Variants in CPS1 observed in about 807,000 individuals in gnomAD.
CPS1 encodes carbamoyl-phosphate synthase [ammonia], mitochondrial.
In CPS1, 109 loss-of-function variants were observed where a neutral mutation model predicts 174.6. The observed-to-expected ratio is 0.62, with a 90% CI of 0.53 to 0.73. The LOEUF (loss-of-function observed/expected upper bound fraction) is 0.73, where lower values mean the gene tolerates loss of function less well. Ranked by LOEUF, CPS1 falls within the 30% of genes least tolerant of loss-of-function variation. CPS1 has a pLI of 0.00. For missense variants in CPS1, 1,689 were observed against 1,821.9 expected, an observed-to-expected ratio of 0.93 and a Z score of 1.33; for synonymous variants, 637 against 632.0, an observed-to-expected ratio of 1.01 and a Z score of -0.12.
intron 1 of CPS1, among the ~76,000 whole-genome samples, chr2:210,500,365 C>G (rs1695108257): frequency 6.6e-6 from 1 of 152,100 alleles, no homozygotes; most frequent in South Asian, 2.1e-4. Flanking sequence ...CAGCATTAAC[C>G]CAAAAGTCAA....
intron 1 of CPS1, among the ~76,000 whole-genome samples, chr2:210,480,175 G>A (rs1410626745): frequency 1.3e-5 from 2 of 152,106 alleles, no homozygotes; most frequent in Non-Finnish European, 2.9e-5. Flanking sequence ...CTCTCATCAA[G>A]TCCATGCTGG....
intron 13 of CPS1, among the ~76,000 whole-genome samples, chr2:210,596,207 A>G (rs1698476545): frequency 6.6e-6 from 1 of 151,948 alleles, no homozygotes. Flanking sequence ...ATCTCCCAAC[A>G]CTTACTGTAG....
intron 28 of CPS1, among the ~76,000 whole-genome samples, chr2:210,652,441 C>G (rs953098492): frequency 6.6e-6 from 1 of 151,854 alleles, no homozygotes; most frequent in Non-Finnish European, 1.5e-5. Context: ...GACAGTGCCT[C>G]GGATTAGAGT....
chr2:210,541,631 A>G (rs1243893558), intron 1 of CPS1, among the ~76,000 whole-genome samples: 2 of 152,162 alleles, frequency 1.3e-5, no homozygotes, highest in Non-Finnish European at 2.9e-5. Context: ...TAGTACTATT[A>G]AGCCCTAAAA....
At chr2:210,562,852 C>T (rs10932343) in intron 1 of CPS1, among the ~76,000 whole-genome samples, 65,335 of 150,350 alleles carry the variant, frequency 0.43, 14,465 homozygotes, top group Middle Eastern at 0.54. Context: ...AAGGGAATTA[C>T]TGACTTTTAA....
chr2:210,600,427 C>A, intron 14 of CPS1, 128 bp from the exon 15 acceptor site: 1 of 842,252 alleles, frequency 1.2e-6, no homozygotes, highest in Non-Finnish European at 1.9e-6. Flanking sequence ...TCCCTAAGTG[C>A]AATTCTATTG....
At chr2:210,637,663 TG>T in intron 21 of CPS1, 38 bp from the exon 22 acceptor site, 1 of 1,611,324 alleles carries the variant, frequency 6.2e-7, no homozygotes, top group Non-Finnish European at 8.5e-7. Context: ...TTATTGTTTT[TG>T]GTCTAAACTT....
At chr2:210,626,642 ATC>A (rs1699707881) in intron 21 of CPS1, among the ~76,000 whole-genome samples, 1 of 152,146 alleles carries the variant, frequency 6.6e-6, no homozygotes, top group Admixed American at 6.5e-5. Flanking sequence ...ATATCGTGAA[ATC>A]TCTAACTCCT....
chr2:210,657,921 ATGTG>A (rs1700772872), intron 30 of CPS1, among the ~76,000 whole-genome samples: 1 of 152,244 alleles, frequency 6.6e-6, no homozygotes, highest in South Asian at 2.1e-4. Context: ...TCAGAGCTCA[ATGTG>A]TCATAGACTC....
chr2:210,601,940 G>C (rs1490647378), intron 15 of CPS1, among the ~76,000 whole-genome samples: 2 of 151,764 alleles, frequency 1.3e-5, no homozygotes, highest in East Asian at 3.9e-4. Flanking sequence ...CCATGGTTCT[G>C]TTTCAATAGG....
chr2:210,584,637 C>T (rs374720776), intron 6 of CPS1, among the ~76,000 whole-genome samples: 2 of 152,102 alleles, frequency 1.3e-5, no homozygotes, highest in African/African-American at 4.8e-5. Context: ...CATAAAAACT[C>T]CATGTCATAG....
At chr2:210,658,850 T>A (rs894726505) in intron 31 of CPS1, among the ~76,000 whole-genome samples, 162 bp downstream of exon 31, 1 of 152,222 alleles carries the variant, frequency 6.6e-6, no homozygotes, top group African/African-American at 2.4e-5. Flanking sequence ...ATATAATGTC[T>A]ACCTTATTTG....
At chr2:210,676,695 T>C (rs1459614366) in intron 36 of CPS1, among the ~76,000 whole-genome samples, 1 of 152,172 alleles carries the variant, frequency 6.6e-6, no homozygotes, top group East Asian at 1.9e-4. Flanking sequence ...CATTCAATGG[T>C]GGAGGGATCA....
At position 210,633,564 on chromosome 2, in the gene CPS1, A is replaced by G. The variant is rs573497975; in HGVS notation, c.2688-4138A>G. ...AAATACTACATTCCTGAATGAAAAT[A>G]CTGCATTGCTGAATGTAGACGACAC... On this transcript the variant is annotated intron_variant, in intron 21 of 37. Transcript: ENST00000233072. Among the ~76,000 whole-genome samples, 4 of 152,324 alleles carry G rather than the reference A, an allele frequency of 2.6e-5. No homozygotes were observed. The South Asian group carries it at 8.3e-4, about 32-fold the overall frequency.
At chr2:210,605,040 A>C in intron 16 of CPS1, 62 bp from the exon 17 acceptor site, 1 of 1,597,726 alleles carries the variant, frequency 6.3e-7, no homozygotes, top group South Asian at 1.1e-5. Context: ...ATTTTGCCAA[A>C]TATCCTTGTT....
chr2:210,663,097 C>A lies in CPS1; in HGVS notation c.3928-26C>A, dbSNP rs767212706. The A allele has an allele frequency of 2.0e-6, 3 of 1,514,878 alleles. No homozygotes were observed. In the African/African-American group the frequency reaches 5.7e-5, roughly 29 times the overall value. 93.8% of individuals were successfully genotyped at this position (1,514,878 alleles called of 1,614,324 possible). A position where few individuals can be genotyped will look rare whatever the true frequency, so the allele number is the denominator to read the frequency against. On this transcript the variant is annotated intron_variant, in intron 32 of 37. Coordinates refer to ENST00000233072, the MANE Select transcript of CPS1 (RefSeq NM_001875.5). ...TCTACTTTTCCCTCACATAATTTTT[C>A]TCCCTGTTTTTTTTTTTTCCAACAG...
chr2:210,612,681 G>A lies in CPS1; in HGVS notation c.2568+388G>A, dbSNP rs148428775. Reference sequence around the variant, plus strand: ...TGTAAAATTGTATTGTAGAAAGGAAGGTGCATACAATAATGTCCCTTAGTA... The same window carrying A: ...TGTAAAATTGTATTGTAGAAAGGAAAGTGCATACAATAATGTCCCTTAGTA... On this transcript the variant is annotated intron_variant, in intron 20 of 37. Transcript: ENST00000233072. Among the ~76,000 whole-genome samples, 220 of 151,888 alleles carry A rather than the reference G, an allele frequency of 1.4e-3. 1 individual carries two copies. Among genetic ancestry groups the A allele is most frequent in the Admixed American group, 4.4e-3 (67 of 15,232 alleles).
At chr2:210,596,531 C>T (rs1197337962) in intron 13 of CPS1, among the ~76,000 whole-genome samples, 1 of 151,948 alleles carries the variant, frequency 6.6e-6, no homozygotes, top group African/African-American at 2.4e-5. Context: ...AGGTAGAACA[C>T]AGTCTCAATG....
At chr2:210,524,454 T>C (rs577424332) in intron 1 of CPS1, among the ~76,000 whole-genome samples, 1 of 152,152 alleles carries the variant, frequency 6.6e-6, no homozygotes, top group Non-Finnish European at 1.5e-5. Flanking sequence ...CCTGTCTCCA[T>C]GGAGCTTATA....
Sources: allele counts gnomAD v4.1 joint callset (sites outside exome capture counted in the v4.1 genomes callset), GRCh38; gene constraint gnomAD v4.1.1; transcripts MANE v1.5; gene names NCBI Gene and HGNC (gene_info 2026-07-23, HGNC 2026-07-21).